The following CCDC201 variants were observed in gnomAD, a reference collection of about 807,000 sequenced individuals.
The protein encoded by CCDC201 is coiled-coil domain containing 201, also known as coiled-coil domain-containing protein 201.
chr7:45,868,414 G>A (rs1157048395), intron 1 of CCDC201, among the ~76,000 whole-genome samples: 5 of 152,184 alleles, frequency 3.3e-5, no homozygotes, highest in African/African-American at 7.2e-5. Flanking sequence ...GCTTGCACCA[G>A]TCAGTTTTCT....
upstream of CCDC201, among the ~76,000 whole-genome samples, chr7:45,878,060 G>A (rs1364120495): frequency 2.6e-5 from 4 of 152,154 alleles, no homozygotes; most frequent in Admixed American, 2.6e-4. Flanking sequence ...ACCCAGCAGG[G>A]CAGTCATTAA....
chr7:45,881,237 T>C, the CCDC201 span, among the ~76,000 whole-genome samples: 1 of 152,178 alleles, frequency 6.6e-6, no homozygotes, highest in Non-Finnish European at 1.5e-5. Context: ...GGTGTCCTGG[T>C]GGCTCGTCCT....
At chr7:45,874,870 G>A (rs1046792447), upstream of CCDC201, among the ~76,000 whole-genome samples, 3 of 152,212 alleles carry the variant, frequency 2.0e-5, no homozygotes, top group African/African-American at 7.2e-5. Flanking sequence ...TTAAAAGTAT[G>A]GATGGCCTTG....
intron 1 of CCDC201, among the ~76,000 whole-genome samples, 155 bp downstream of exon 1, chr7:45,872,835 G>A (rs1170857971): frequency 6.6e-6 from 1 of 152,194 alleles, no homozygotes; most frequent in Non-Finnish European, 1.5e-5. Flanking sequence ...CCAGGCCACA[G>A]CTTTGTGCCA....
rs370474735 is a variant in CCDC201 at position 45,863,496 on chromosome 7, G to C, written c.478-325C>G. On this transcript the variant is annotated intron_variant, in intron 2 of 2. Coordinates refer to ENST00000636578, the Ensembl canonical transcript of CCDC201. ...GACAGGCTGCGAGCATGGAGTAGACGAGCCTGCGTGGGAACAGGTGCATAG... is the reference window on the plus strand; with the variant it reads ...GACAGGCTGCGAGCATGGAGTAGACCAGCCTGCGTGGGAACAGGTGCATAG... Among the ~76,000 whole-genome samples, 7 of 152,280 alleles carry C rather than the reference G, an allele frequency of 4.6e-5. No homozygotes were observed. In the East Asian group the frequency reaches 1.4e-3, roughly 29 times the overall value.
At chr7:45,881,197 G>T in the CCDC201 span, among the ~76,000 whole-genome samples, 2 of 152,266 alleles carry the variant, frequency 1.3e-5, no homozygotes, top group East Asian at 3.9e-4. Context: ...AGATGCATGT[G>T]TCTCCTGGGA....
the CCDC201 span, among the ~76,000 whole-genome samples, chr7:45,879,076 C>A: frequency 2.0e-5 from 3 of 152,198 alleles, no homozygotes; most frequent in South Asian, 6.2e-4. Flanking sequence ...CGAGCAGGGG[C>A]AAAATGTTGC....
chr7:45,861,629 T>C (rs1301778113), exon 3 of CCDC201: 1 of 152,224 alleles, frequency 6.6e-6, no homozygotes, highest in Non-Finnish European at 1.5e-5. Flanking sequence ...CCTGCAGATC[T>C]AAACTTTTCA....
At position 45,872,979 on chromosome 7, in the gene CCDC201, T is replaced by TC. The variant is rs1424405232; in HGVS notation, c.18+10dup. Reference sequence around the variant, plus strand: ...AGATCTCATTCCCAGGCTGCACCCCTCCCCACCTACCTGCACCCCAGGCTC... The same window carrying TC: ...AGATCTCATTCCCAGGCTGCACCCCTCCCCCACCTACCTGCACCCCAGGCTC... On this transcript the variant is annotated intron_variant, in intron 1 of 2. Coordinates refer to ENST00000636578, the Ensembl canonical transcript of CCDC201. 6.6e-6 allele frequency: 1 copy of TC among 152,490 alleles called. No homozygotes were observed. Among genetic ancestry groups the TC allele is most frequent in the Non-Finnish European group, 1.5e-5 (1 of 68,312 alleles). The allele number at this position is 152,490 out of a possible 1,614,324, so 9.4% of individuals were successfully genotyped here.
At chr7:45,870,281 T>A (rs987037779) in intron 1 of CCDC201, among the ~76,000 whole-genome samples, 1 of 152,250 alleles carries the variant, frequency 6.6e-6, no homozygotes, top group African/African-American at 2.4e-5. Context: ...CATCTTTTCA[T>A]GTATTTATTT....
chr7:45,865,651 A>G (rs184249028), intron 2 of CCDC201, among the ~76,000 whole-genome samples: 128 of 152,356 alleles, frequency 8.4e-4, no homozygotes, highest in African/African-American at 3.0e-3. Flanking sequence ...TGAAAGAGTC[A>G]TCACCCAGAC....
chr7:45,880,671 G>C, the CCDC201 span, among the ~76,000 whole-genome samples: 3 of 152,252 alleles, frequency 2.0e-5, no homozygotes, highest in Non-Finnish European at 2.9e-5. Flanking sequence ...CAGGGTCATT[G>C]CTGCCTGGCC....
intron 2 of CCDC201, among the ~76,000 whole-genome samples, chr7:45,863,495 C>A (rs188019580): frequency 2.0e-5 from 3 of 152,094 alleles, no homozygotes; most frequent in African/African-American, 7.2e-5. Context: ...ATGGAGTAGA[C>A]GAGCCTGCGT....
At chr7:45,875,525 G>T (rs879847234), upstream of CCDC201, among the ~76,000 whole-genome samples, 2 of 152,006 alleles carry the variant, frequency 1.3e-5, no homozygotes, top group Non-Finnish European at 2.9e-5. Context: ...AAATGGTAGC[G>T]TTTGTGACAT....
At chr7:45,882,383 A>G in the CCDC201 span, among the ~76,000 whole-genome samples, 16 of 152,314 alleles carry the variant, frequency 1.1e-4, no homozygotes, top group Non-Finnish European at 5.9e-5. Context: ...CATCATCCCC[A>G]TCTTACAGGT....
At chr7:45,864,801 G>C (rs1786651139) in intron 2 of CCDC201, among the ~76,000 whole-genome samples, 1 of 152,152 alleles carries the variant, frequency 6.6e-6, no homozygotes, top group Non-Finnish European at 1.5e-5. Context: ...AGAAGAAAGG[G>C]CTAAATAGCA....
At chr7:45,874,029 T>C (rs540772299), upstream of CCDC201, among the ~76,000 whole-genome samples, 1 of 151,902 alleles carries the variant, frequency 6.6e-6, no homozygotes, top group East Asian at 1.9e-4. Flanking sequence ...AAAGGATCCT[T>C]CTGCTTCTGC....
the CCDC201 span, among the ~76,000 whole-genome samples, chr7:45,881,089 C>T: frequency 6.9e-4 from 105 of 152,300 alleles, no homozygotes; most frequent in African/African-American, 1.1e-3. Context: ...GTAGTACAGT[C>T]GTGACTTTCC....
upstream of CCDC201, among the ~76,000 whole-genome samples, chr7:45,875,419 C>T (rs1281022707): frequency 6.9e-6 from 1 of 145,166 alleles, no homozygotes; most frequent in East Asian, 2.0e-4. Flanking sequence ...TGCTTGAACC[C>T]GGGAGGAGGA....
Sources: gnomAD v4.1 joint callset for allele counts (sites outside exome capture counted in the v4.1 genomes callset) on GRCh38, gnomAD v4.1.1 for gene constraint, MANE v1.5 for transcripts, NCBI Gene and HGNC (gene_info 2026-07-23, HGNC 2026-07-21) for gene names.